NUP188: variants seen among roughly 807,000 people sequenced by gnomAD.
The protein encoded by NUP188 is nucleoporin 188, also known as nucleoporin NUP188.
NUP188 carries 97 observed loss-of-function variants against 223.0 expected under a neutral mutation model. The ratio of observed to expected loss-of-function variants is 0.43; its 90% CI spans 0.37 to 0.51. The LOEUF (loss-of-function observed/expected upper bound fraction) is 0.51. Among genes scored for constraint, NUP188 ranks in the 20% least tolerant of loss-of-function variants. NUP188 has a pLI of 0.00. For synonymous variants in NUP188, 869 were observed against 828.0 expected (o/e 1.05, Z -0.85); for missense variants, 1,947 against 2,175.6 (o/e 0.89, Z 2.09).
intron 10 of NUP188, 76 bp downstream of exon 10, chr9:128,969,590 A>G: frequency 1.3e-6 from 1 of 770,472 alleles, no homozygotes; most frequent in Non-Finnish European, 2.1e-6. Context: ...ACTGCTGCAT[A>G]AAATTTTCAG....
Position 128,973,206 on chromosome 9 carries a change from T to A in NUP188, c.1160T>A (p.Phe387Tyr), listed in dbSNP as rs1244064860. 3 of 1,613,654 alleles carry A rather than the reference T, an allele frequency of 1.9e-6. No individual in the cohort carries two copies. The African/African-American group carries it at 4.0e-5, about 22-fold the overall frequency. ...ACMCVYGLLS[F>Y]VLTSLELHTL... ...ATGTGTGTCTATGGACTGCTCTCTT[T>A]CGTTCTGACCTCGTTGGAGCTGCAC... The change falls in exon 12 of 44, where the codon TTC (phenylalanine) becomes TAC (tyrosine). Residue 387 changes from phenylalanine (F) to tyrosine (Y), a missense_variant. Coordinates refer to ENST00000372577, the MANE Select transcript of NUP188 (RefSeq NM_015354.3).
chr9:128,952,845 A>G lies in NUP188; in HGVS notation c.160A>G (p.Ser54Gly). 6.2e-7 allele frequency: 1 copy of G among 1,612,434 alleles called. No individual in the cohort carries two copies. Among genetic ancestry groups the G allele is most frequent in the Non-Finnish European group, 8.5e-7 (1 of 1,178,496 alleles). Residue 54 changes from serine to glycine, a missense_variant and splice_region_variant, in exon 3 of 44, where the codon AGT (serine) becomes GGT (glycine). Physicochemically the swap from Ser to Gly is moderately conservative, Grantham distance 56. Around this residue, in one of 3 missense-constraint regions of NUP188, gnomAD observed 817 missense variants for 865.8 expected, o/e 0.94. Transcript: ENST00000372577. ...GGGGCTTTCTTACTACAAACCTCCC[A>G]GGTATGGCAGTTCCGGGTGTCTGGT... ...LEGLSYYKPPSPSSAEKVKAN... is the reference protein window; with the variant it reads ...LEGLSYYKPPGPSSAEKVKAN...
In NUP188 at chr9:128,968,565, A is replaced by T. The variant is rs1289448651; in HGVS notation, c.645A>T (p.Leu215=). 9.3e-6 allele frequency: 15 copies of T among 1,614,086 alleles called. No homozygotes were observed. The highest frequency in any genetic ancestry group is 1.3e-5 in the Non-Finnish European group (15 of 1,180,026). ...GCCTTCGGGAACAGTCCATGCTGCT[A>T]GAAATTATTTTCCTTTATTATGCAT... ...VQCLREQSML[L]EIIFLYYAYF... The change falls in exon 9 of 44, where the codon CTA becomes CTT. Residue 215 remains leucine (L), a synonymous_variant. Coordinates refer to ENST00000372577, the MANE Select transcript of NUP188 (RefSeq NM_015354.3).
chr9:128,993,843 C>T lies in NUP188; in HGVS notation c.3017+149C>T, dbSNP rs575892968. 1.0e-3 allele frequency: 684 copies of T among 680,180 alleles called. 8 individuals are homozygous for T. The South Asian group carries it at 0.01, about 10-fold the overall frequency. The allele number at this position is 680,180 out of a possible 1,614,324, so 42.1% of individuals were successfully genotyped here. ...TACCTGGGAGTTTTACACTAATTCT[C>T]TTTCTAATGCTGCTGCAAGTATTAA... On this transcript the variant is annotated intron_variant, in intron 27 of 43. Transcript: ENST00000372577.
In NUP188 at chr9:128,985,056, G is replaced by T. The variant is rs1169549703; in HGVS notation, c.2076+42G>T. On this transcript the variant is annotated intron_variant, in intron 20 of 43. Transcript: ENST00000372577. ...TTCACAAAGGGCAGAAAAAGAAAAG[G>T]TCCAGTCTTGTCAGATGACTCTGAA... 6 of 1,378,840 alleles carry T rather than the reference G, an allele frequency of 4.4e-6. 1 individual carries two copies. In the South Asian group the frequency reaches 5.9e-5, roughly 14 times the overall value. 85.4% of individuals were successfully genotyped at this position (1,378,840 alleles called of 1,614,324 possible).
rs1842819396 is a variant in NUP188 at position 129,006,768 on chromosome 9, A to G, written c.*90A>G. The stretch of plus-strand genomic sequence containing the variant: ...TGCTGCTGGCTGCTAGGGCCTATAC[A>G]ATGGAGGGCACCTCCTGTCACCCCC... On this transcript the variant is annotated 3_prime_UTR_variant, in exon 44 of 44. Coordinates refer to ENST00000372577, the MANE Select transcript of NUP188 (RefSeq NM_015354.3). The G allele has an allele frequency of 8.9e-6, 12 of 1,350,178 alleles. No homozygotes were observed. Among genetic ancestry groups the G allele is most frequent in the South Asian group, 3.0e-5 (2 of 67,338 alleles). 83.6% of individuals were successfully genotyped at this position (1,350,178 alleles called of 1,614,324 possible).
chr9:128,982,684 A>G lies in NUP188; in HGVS notation c.1652A>G (p.His551Arg). 2 of 1,614,022 alleles carry G rather than the reference A, an allele frequency of 1.2e-6. No homozygotes were observed. The highest frequency in any genetic ancestry group is 1.1e-5 in the South Asian group (1 of 91,056). Reference protein sequence around the residue: ...LFTCEIEMLLHVVSTADVIQH... With the variant: ...LFTCEIEMLLRVVSTADVIQH... ...ACCTGCGAGATTGAAATGTTGCTTC[A>G]TGTTGTTTCAACTGCAGGTAAGGTC... Residue 551 changes from histidine (H) to arginine (R), a missense_variant, in exon 16 of 44, where the codon CAT (histidine) becomes CGT (arginine). His to Arg is a conservative substitution (Grantham distance 29). Around this residue, in one of 3 missense-constraint regions of NUP188, gnomAD observed 817 missense variants for 865.8 expected, o/e 0.94. Coordinates refer to ENST00000372577, the MANE Select transcript of NUP188 (RefSeq NM_015354.3).
chr9:128,973,354 T>C (rs1842128401), intron 12 of NUP188, 105 bp downstream of exon 12: 2 of 715,100 alleles, frequency 2.8e-6, no homozygotes, highest in Admixed American at 5.4e-5. Flanking sequence ...CATGTGTTAA[T>C]TTGTTTACTG....
intron 33 of NUP188, 149 bp from the exon 34 acceptor site, chr9:128,999,475 A>ATG: frequency 8.4e-7 from 1 of 1,197,038 alleles, no homozygotes; most frequent in East Asian, 2.5e-5. Context: ...TTTTTCCCTC[A>ATG]TGTGTCTCTC....
chr9:128,958,855 C>G lies in NUP188; in HGVS notation c.426C>G (p.His142Gln), dbSNP rs1480414493. 6.2e-7 allele frequency: 1 copy of G among 1,602,574 alleles called. No individual in the cohort carries two copies. The highest frequency in any genetic ancestry group is 1.7e-5 in the Admixed American group (1 of 59,644). Residue 142 changes from histidine (H) to glutamine (Q), a missense_variant, in exon 7 of 44, where the codon CAC (histidine) becomes CAG (glutamine). By Grantham distance (24) the His-to-Gln change is conservative. Transcript: ENST00000372577. The part of the protein sequence containing the change: ...ERTCILRCVL[H>Q]LLTYFQDERH... ...CCTGTATTCTTCGTTGTGTCTTACA[C>G]CTTCTCACTTACTTCCAAGATGAAA...
chr9:129,002,060 G>C, intron 36 of NUP188, 84 bp downstream of exon 36: 2 of 1,131,360 alleles, frequency 1.8e-6, no homozygotes, highest in Non-Finnish European at 2.7e-6. Context: ...CCTTTCCCCG[G>C]AAGTTGCTTT....
In NUP188 at chr9:128,987,956, A is replaced by G. The variant is rs1296935727; in HGVS notation, c.2394-91A>G. 2.8e-6 allele frequency: 4 copies of G among 1,440,790 alleles called. No homozygotes were observed. In the African/African-American group the frequency reaches 5.6e-5, roughly 20 times the overall value. The allele number at this position is 1,440,790 out of a possible 1,614,324, so 89.3% of individuals were successfully genotyped here. A position where few individuals can be genotyped will look rare whatever the true frequency, so the allele number is the denominator to read the frequency against. ...CTAACAGAAGCTGTTGAACTCTGGGATTATTGTTGGAATCTAATTCATGAG... is the reference window on the plus strand; with the variant it reads ...CTAACAGAAGCTGTTGAACTCTGGGGTTATTGTTGGAATCTAATTCATGAG... On this transcript the variant is annotated intron_variant, in intron 23 of 43. Transcript: ENST00000372577.
chr9:128,993,648 C>G lies in NUP188; in HGVS notation c.2971C>G (p.Leu991Val), dbSNP rs1277710023. 6.2e-7 allele frequency: 1 copy of G among 1,614,218 alleles called. No homozygotes were observed. Among genetic ancestry groups the G allele is most frequent in the Non-Finnish European group, 8.5e-7 (1 of 1,180,036 alleles). The change falls in exon 27 of 44, where the codon CTG becomes GTG. Residue 991 changes from leucine (L) to valine (V), a missense_variant. Physicochemically the swap from Leu to Val is conservative, Grantham distance 32. This residue lies in a region of NUP188 where 905 missense variants were observed against 990.6 expected (regional missense o/e 0.91). Transcript: ENST00000372577. ...TGCCGCCATTGCCTTTTTGCATGCTCTGTGGCAGGATCGGAGGGACAGTGC... is the reference window on the plus strand; with the variant it reads ...TGCCGCCATTGCCTTTTTGCATGCTGTGTGGCAGGATCGGAGGGACAGTGC... ...HRAAIAFLHA[L>V]WQDRRDSAML...
intron 8 of NUP188, among the ~76,000 whole-genome samples, chr9:128,961,572 C>T (rs187172620): frequency 6.1e-4 from 81 of 132,766 alleles, no homozygotes; most frequent in African/African-American, 2.5e-3. Context: ...ATATCTATAT[C>T]TATATCTATC....
rs1379267560 is a variant in NUP188, at chr9:129,002,984, C to T, written c.4296+9C>T. ...AGGAGCGGACCTTACAGGTGAGGGG[C>T]TGCCTGCATTGCAGGGGTGGGAGTT... On this transcript the variant is annotated intron_variant, in intron 37 of 43. Transcript: ENST00000372577. 1 of 1,613,472 alleles carries T rather than the reference C, an allele frequency of 6.2e-7. No homozygotes were observed. Among genetic ancestry groups the T allele is most frequent in the Non-Finnish European group, 8.5e-7 (1 of 1,179,728 alleles).
chr9:128,973,270 A>G (rs1210130836), intron 12 of NUP188, 21 bp downstream of exon 12: 27 of 1,590,050 alleles, frequency 1.7e-5, no homozygotes, highest in Non-Finnish European at 2.2e-5. Context: ...GGCTTTCATG[A>G]AGCTGTCTCT....
At chr9:128,984,213 G>A (rs953115600) in intron 19 of NUP188, among the ~76,000 whole-genome samples, 22 of 146,596 alleles carry the variant, frequency 1.5e-4, no homozygotes, top group Admixed American at 4.2e-4. Flanking sequence ...CACAACCTCC[G>A]CCTCCCAGGT....
chr9:128,999,774 C>T lies in NUP188; in HGVS notation c.3812C>T (p.Ser1271Phe). ...DKDSMETDDCSRSRHRDQRDG... is the reference protein window; with the variant it reads ...DKDSMETDDCFRSRHRDQRDG... ...GACAGCATGGAGACTGACGACTGTT[C>T]TCGGTCCCGGCACAGGGACCAGCGT... The change falls in exon 34 of 44, where the codon TCT (serine) becomes TTT (phenylalanine). Residue 1271 changes from serine (S) to phenylalanine (F), a missense_variant. By Grantham distance (155) the Ser-to-Phe change is radical. Coordinates refer to ENST00000372577, the MANE Select transcript of NUP188 (RefSeq NM_015354.3). 6.2e-7 allele frequency: 1 copy of T among 1,614,216 alleles called. No individual in the cohort carries two copies. The highest frequency in any genetic ancestry group is 8.5e-7 in the Non-Finnish European group (1 of 1,180,040).
intron 11 of NUP188, among the ~76,000 whole-genome samples, chr9:128,971,673 C>T (rs1465031412): frequency 6.6e-6 from 1 of 152,232 alleles, no homozygotes; most frequent in African/African-American, 2.4e-5. Flanking sequence ...CCGCCTCGGC[C>T]TCCCAAAGTG....
Sources: allele counts gnomAD v4.1 joint callset (sites outside exome capture counted in the v4.1 genomes callset), GRCh38; gene constraint gnomAD v4.1.1; regional missense constraint gnomAD v4.1.1; transcripts MANE v1.5; gene names NCBI Gene and HGNC (gene_info 2026-07-23, HGNC 2026-07-21).